MARCHF1: variants seen among roughly 807,000 people sequenced by gnomAD.
The protein encoded by MARCHF1 is E3 ubiquitin-protein ligase MARCHF1.
Under a neutral mutation model 54.2 loss-of-function variants are expected in MARCHF1, and 40 were observed. The ratio of observed to expected loss-of-function variants is 0.74; its 90% CI spans 0.57 to 0.96. MARCHF1 has a LOEUF of 0.96. Among genes scored for constraint, MARCHF1 ranks in the 40% least tolerant of loss-of-function variants. The pLI, the probability that MARCHF1 is intolerant of heterozygous loss-of-function variation, is 0.00. For synonymous variants in MARCHF1, 236 were observed against 236.3 expected (o/e 1.00, Z 0.01); for missense variants, 586 against 656.5 (o/e 0.89, Z 1.17).
chr4:163,669,377 T>TAATTTGA (rs1743649543), intron 5 of MARCHF1, among the ~76,000 whole-genome samples: 1 of 152,192 alleles, frequency 6.6e-6, no homozygotes, highest in Non-Finnish European at 1.5e-5. Context: ...GGTATTGAAA[T>TAATTTGA]AATTTGAAAT....
At chr4:163,539,988 C>CAT (rs1235739145) in intron 9 of MARCHF1, among the ~76,000 whole-genome samples, 1 of 152,144 alleles carries the variant, frequency 6.6e-6, no homozygotes, top group Non-Finnish European at 1.5e-5. Context: ...GGCACAGGGG[C>CAT]ATACCTGTAA....
intron 4 of MARCHF1, among the ~76,000 whole-genome samples, chr4:163,780,983 C>T (rs1400565240): frequency 1.3e-5 from 2 of 152,186 alleles, no homozygotes; most frequent in Non-Finnish European, 2.9e-5. Flanking sequence ...ATGTCTTTTA[C>T]TGCAGGGATC....
intron 2 of MARCHF1, among the ~76,000 whole-genome samples, chr4:163,991,164 G>A (rs1326883632): frequency 6.6e-6 from 1 of 152,076 alleles, no homozygotes; most frequent in African/African-American, 2.4e-5. Context: ...TATTTTACAT[G>A]GTAAACAAGA....
chr4:163,674,895 C>A (rs1743863014), intron 5 of MARCHF1, among the ~76,000 whole-genome samples: 1 of 152,004 alleles, frequency 6.6e-6, no homozygotes, highest in Non-Finnish European at 1.5e-5. Flanking sequence ...AGGAAAAATA[C>A]CAGCCTGGAT....
chr4:163,969,998 A>G (rs1474225641), intron 3 of MARCHF1, among the ~76,000 whole-genome samples: 1 of 152,206 alleles, frequency 6.6e-6, no homozygotes, highest in Non-Finnish European at 1.5e-5. Flanking sequence ...GAAGGAAGGC[A>G]GGAGGATGAT....
rs140832652 is a variant in MARCHF1 at position 163,857,258 on chromosome 4, C to T, written c.-38-3089G>A. On this transcript the variant is annotated intron_variant, in intron 3 of 9. Coordinates refer to ENST00000514618, the MANE Select transcript of MARCHF1 (RefSeq NM_001394959.1). ...AAAAATATTTTCTTTTTTGCATTAT[C>T]GATGCTACAATATAGATTCTAAAAA... is the stretch of plus-strand genomic sequence containing the variant. 1.0e-3 allele frequency among the ~76,000 whole-genome samples: 157 copies of T among 151,942 alleles called. 1 individual carries two copies. Among genetic ancestry groups the T allele is most frequent in the African/African-American group, 3.6e-3 (150 of 41,502 alleles).
intron 3 of MARCHF1, among the ~76,000 whole-genome samples, chr4:163,913,407 T>G (rs1469473320): frequency 6.6e-6 from 1 of 152,202 alleles, no homozygotes; most frequent in Non-Finnish European, 1.5e-5. Context: ...CAGCCTTTTC[T>G]GGTGCCCTAT....
At chr4:163,720,935 C>T (rs535168489) in intron 4 of MARCHF1, among the ~76,000 whole-genome samples, 2,471 of 152,244 alleles carry the variant, frequency 0.016, 67 homozygotes, top group African/African-American at 0.057. Context: ...TGGGCTGAGA[C>T]GATGGGGTTT....
chr4:164,365,888 G>T (rs568585286), intron 1 of MARCHF1, among the ~76,000 whole-genome samples: 1 of 151,934 alleles, frequency 6.6e-6, no homozygotes, highest in East Asian at 1.9e-4. Context: ...AAAATATAAG[G>T]CATCTAACCT....
intron 3 of MARCHF1, among the ~76,000 whole-genome samples, chr4:163,894,515 G>A (rs71614780): frequency 0.018 from 2,573 of 139,962 alleles, 41 homozygotes; most frequent in Middle Eastern, 0.058. Flanking sequence ...AGAAGTCACT[G>A]TAAAATAATT....
chr4:163,761,636 A>G (rs2110827006), intron 4 of MARCHF1, among the ~76,000 whole-genome samples: 1 of 152,316 alleles, frequency 6.6e-6, no homozygotes, highest in South Asian at 2.1e-4. Context: ...CATGAGCCCC[A>G]CAGTAATCTT....
intron 1 of MARCHF1, among the ~76,000 whole-genome samples, chr4:164,311,254 ACT>A (rs1180084273): frequency 9.2e-5 from 14 of 152,088 alleles, no homozygotes; most frequent in Admixed American, 8.5e-4. Flanking sequence ...TTCTTAAATA[ACT>A]CTCAGTTGTT....
At chr4:164,176,242 G>A (rs372029820) in intron 1 of MARCHF1, among the ~76,000 whole-genome samples, 12 of 152,106 alleles carry the variant, frequency 7.9e-5, no homozygotes, top group East Asian at 5.8e-4. Context: ...GCCAAGGGTC[G>A]CATGCAACAG....
intron 5 of MARCHF1, among the ~76,000 whole-genome samples, chr4:163,664,556 C>G (rs1425282552): frequency 6.6e-6 from 1 of 152,064 alleles, no homozygotes; most frequent in African/African-American, 2.4e-5. Flanking sequence ...CTCAGACTTA[C>G]TTAGGAACAA....
intron 5 of MARCHF1, among the ~76,000 whole-genome samples, chr4:163,623,688 A>G (rs1262603934): frequency 6.6e-6 from 1 of 152,236 alleles, no homozygotes; most frequent in African/African-American, 2.4e-5. Flanking sequence ...TTCATTAGTT[A>G]CAATGGAAGT....
At chr4:164,095,328 G>A (rs1032230691) in intron 2 of MARCHF1, among the ~76,000 whole-genome samples, 2 of 151,952 alleles carry the variant, frequency 1.3e-5, no homozygotes, top group African/African-American at 4.8e-5. Flanking sequence ...TATGACTAGT[G>A]TGATTGTGAG....
chr4:163,648,895 T>C (rs940474088), intron 5 of MARCHF1, among the ~76,000 whole-genome samples: 3 of 148,706 alleles, frequency 2.0e-5, no homozygotes, highest in Admixed American at 6.7e-5. Context: ...GCCTCCAAGG[T>C]ATTGCTACAG....
intron 7 of MARCHF1, among the ~76,000 whole-genome samples, chr4:163,601,159 A>G (rs368192412): frequency 5.8e-4 from 88 of 152,334 alleles, no homozygotes; most frequent in African/African-American, 2.1e-3. Context: ...CTACTCTGCA[A>G]TGGTTATAGG....
At chr4:164,188,851 G>C in intron 1 of MARCHF1, 3 of 783,686 alleles carry the variant, frequency 3.8e-6, no homozygotes, top group Admixed American at 3.4e-5. Context: ...AAACCGCTGA[G>C]GCTTATTTGA....
Sources: allele counts gnomAD v4.1 joint callset (sites outside exome capture counted in the v4.1 genomes callset), GRCh38; gene constraint gnomAD v4.1.1; transcripts MANE v1.5; gene names NCBI Gene and HGNC (gene_info 2026-07-23, HGNC 2026-07-21).